The following RNF217 variants were observed in gnomAD, a reference collection of about 807,000 sequenced individuals.
RNF217 encodes the protein ring finger protein 217, also known as E3 ubiquitin-protein ligase RNF217.
A neutral mutation model predicts 57.8 loss-of-function variants in RNF217; 31 were observed. The ratio of observed to expected loss-of-function variants is 0.54; its 90% CI spans 0.40 to 0.72. RNF217 has a LOEUF of 0.72. Ranked by LOEUF, RNF217 falls within the 30% of genes least tolerant of loss-of-function variation. RNF217 has a pLI of 0.00. For synonymous variants in RNF217, 313 were observed against 294.0 expected (o/e 1.06, Z -0.66); for missense variants, 696 against 708.3 (o/e 0.98, Z 0.20).
chr6:125,034,335 C>T (rs1392541986), intron 1 of RNF217, among the ~76,000 whole-genome samples: 1 of 152,160 alleles, frequency 6.6e-6, no homozygotes, highest in Admixed American at 6.5e-5. Context: ...TTAGGTCTAA[C>T]ATTTAAGTCT....
chr6:125,060,416 A>G (rs1787685726), intron 3 of RNF217, among the ~76,000 whole-genome samples: 1 of 151,936 alleles, frequency 6.6e-6, no homozygotes. Flanking sequence ...TATATGTTTT[A>G]ATTAGTTCAT....
At chr6:125,009,403 A>G in intron 1 of RNF217, 1 of 624,908 alleles carries the variant, frequency 1.6e-6, no homozygotes, top group Non-Finnish European at 2.9e-6. Flanking sequence ...AGATTTTTTC[A>G]CTTTCCTTGA....
rs755758048 is a variant in RNF217 at position 124,963,088 on chromosome 6, C to T, written c.544C>T (p.Leu182Phe). The T allele has an allele frequency of 1.3e-6, 2 of 1,547,532 alleles. No individual in the cohort carries two copies. Among genetic ancestry groups the T allele is most frequent in the Non-Finnish European group, 1.7e-6 (2 of 1,153,990 alleles). ...DLPEAPASEQ[L>F]SPPASPPGAP... ...GCCCGAGGCCCCCGCCTCGGAGCAG[C>T]TCTCGCCGCCCGCGTCGCCACCTGG... Residue 182 changes from leucine (L) to phenylalanine (F), a missense_variant, in exon 1 of 6, where the codon CTC becomes TTC. Coordinates refer to ENST00000521654, the MANE Select transcript of RNF217 (RefSeq NM_001286398.3).
At chr6:125,052,874 G>A (rs1034850503) in intron 2 of RNF217, among the ~76,000 whole-genome samples, 11 of 152,074 alleles carry the variant, frequency 7.2e-5, no homozygotes, top group African/African-American at 2.7e-4. Flanking sequence ...TGTTTCCTAT[G>A]CAGAGTTTCT....
At chr6:125,009,486 AAAAC>A (rs1388715474) in intron 1 of RNF217, 1 of 476,578 alleles carries the variant, frequency 2.1e-6, no homozygotes, top group Non-Finnish European at 3.7e-6. Flanking sequence ...AAAAAAAAGA[AAAAC>A]AGAGACTATT....
rs545473065 is a variant in RNF217 at position 125,019,545 on chromosome 6, A to AT, written c.883-25660dup. 2.3e-4 allele frequency among the ~76,000 whole-genome samples: 35 copies of AT among 152,146 alleles called. No homozygotes were observed. In the East Asian group the frequency reaches 6.6e-3, roughly 29 times the overall value. On this transcript the variant is annotated intron_variant, in intron 1 of 5. Coordinates refer to ENST00000521654, the MANE Select transcript of RNF217 (RefSeq NM_001286398.3). Reference sequence around the variant, plus strand: ...CCTAAACCTAAATTTTCCCCTTTTTATTTTTTAGCTTTCTATACTAATTAC... The same window carrying AT: ...CCTAAACCTAAATTTTCCCCTTTTTATTTTTTTAGCTTTCTATACTAATTAC...
chr6:124,967,066 A>G (rs1023275925), intron 1 of RNF217, among the ~76,000 whole-genome samples: 3 of 152,186 alleles, frequency 2.0e-5, no homozygotes, highest in Non-Finnish European at 2.9e-5. Context: ...GCACCACAGT[A>G]TATGTTGATT....
rs1481483419 is a variant in RNF217, at chr6:125,034,363, A to G, written c.883-10848A>G. Among the ~76,000 whole-genome samples the G allele has an allele frequency of 6.7e-4, 102 of 152,210 alleles. 2 individuals carry two copies. The highest frequency in any genetic ancestry group is 6.5e-3 in the Admixed American group (99 of 15,282). On this transcript the variant is annotated intron_variant, in intron 1 of 5. Coordinates refer to ENST00000521654, the MANE Select transcript of RNF217 (RefSeq NM_001286398.3). ...TTAAGTCTTTCATTCATCTTGAATTAATTTTTGTATAAGGTGTAAGGAAGG... is the reference window on the plus strand; with the variant it reads ...TTAAGTCTTTCATTCATCTTGAATTGATTTTTGTATAAGGTGTAAGGAAGG...
chr6:125,020,766 T>A (rs1785806612), intron 1 of RNF217, among the ~76,000 whole-genome samples: 1 of 152,174 alleles, frequency 6.6e-6, no homozygotes, highest in Non-Finnish European at 1.5e-5. Context: ...GATCAACACA[T>A]GCCTAGAACA....
chr6:125,072,169 C>G (rs1299339813), intron 3 of RNF217, among the ~76,000 whole-genome samples: 2 of 152,112 alleles, frequency 1.3e-5, no homozygotes, highest in African/African-American at 2.4e-5. Flanking sequence ...ACTTGCTTAG[C>G]AAATGTGAAA....
In RNF217 at chr6:124,990,767, C is replaced by T. The variant is rs560825345; in HGVS notation, c.882+27341C>T. 1.4e-4 allele frequency among the ~76,000 whole-genome samples: 21 copies of T among 152,246 alleles called. 1 individual carries two copies. In the South Asian group the frequency reaches 4.4e-3, roughly 32 times the overall value. ...TGCCCTAGTACCTTTGTAGAGTGATCTCAAGAGTGAAGCCAAATTGGGCAT... is the reference window on the plus strand; with the variant it reads ...TGCCCTAGTACCTTTGTAGAGTGATTTCAAGAGTGAAGCCAAATTGGGCAT... On this transcript the variant is annotated intron_variant, in intron 1 of 5. Coordinates refer to ENST00000521654, the MANE Select transcript of RNF217 (RefSeq NM_001286398.3).
At chr6:125,054,819 A>G (rs1052831842) in intron 2 of RNF217, among the ~76,000 whole-genome samples, 1 of 152,120 alleles carries the variant, frequency 6.6e-6, no homozygotes, top group South Asian at 2.1e-4. Context: ...GGATTCATGA[A>G]TTCTGTGTTT....
At chr6:124,999,618 C>T (rs2114270199) in intron 1 of RNF217, among the ~76,000 whole-genome samples, 1 of 152,118 alleles carries the variant, frequency 6.6e-6, no homozygotes, top group East Asian at 1.9e-4. Flanking sequence ...GCCACATTTG[C>T]TTAATCTTGA....
At chr6:125,068,660 T>C (rs1234449795) in intron 3 of RNF217, among the ~76,000 whole-genome samples, 1 of 152,236 alleles carries the variant, frequency 6.6e-6, no homozygotes, top group Non-Finnish European at 1.5e-5. Flanking sequence ...TTAATGTCTG[T>C]ATACATGTAT....
chr6:125,040,556 T>G (rs1418471206), intron 1 of RNF217, among the ~76,000 whole-genome samples: 1 of 151,954 alleles, frequency 6.6e-6, no homozygotes, highest in Admixed American at 6.6e-5. Context: ...TCCAAACAAT[T>G]GAAAAGGAGG....
At chr6:124,968,756 T>C (rs1783646543) in intron 1 of RNF217, among the ~76,000 whole-genome samples, 1 of 152,194 alleles carries the variant, frequency 6.6e-6, no homozygotes. Context: ...TGAAGGCTCT[T>C]CCTTAACTCC....
At position 125,090,650 on chromosome 6, in the gene RNF217, T is replaced by C. The variant is rs1257379849; in HGVS notation, c.*7713T>C. Reference sequence around the variant, plus strand: ...AGAAATTTCTTGATCATAAGATGAATAGTAATTTGTACCAGATCTTGTCCA... The same window carrying C: ...AGAAATTTCTTGATCATAAGATGAACAGTAATTTGTACCAGATCTTGTCCA... On this transcript the variant is annotated 3_prime_UTR_variant, in exon 6 of 6. Coordinates refer to ENST00000521654, the MANE Select transcript of RNF217 (RefSeq NM_001286398.3). The C allele has an allele frequency of 6.6e-6, 1 of 151,846 alleles. No homozygotes were observed. Among genetic ancestry groups the C allele is most frequent in the Non-Finnish European group, 1.5e-5 (1 of 67,834 alleles). The allele number at this position is 151,846 out of a possible 1,614,324, so 9.4% of individuals were successfully genotyped here.
intron 3 of RNF217, among the ~76,000 whole-genome samples, chr6:125,071,647 T>C (rs1788151201): frequency 6.6e-6 from 1 of 152,132 alleles, no homozygotes; most frequent in Non-Finnish European, 1.5e-5. Context: ...CAAACTCTTA[T>C]AAGGGAATAT....
At chr6:124,973,588 AAGGT>A (rs1379810116) in intron 1 of RNF217, among the ~76,000 whole-genome samples, 29 of 152,350 alleles carry the variant, frequency 1.9e-4, no homozygotes. Context: ...TATAAAAAGT[AAGGT>A]AACTATTTGA....
Sources: allele counts gnomAD v4.1 joint callset (sites outside exome capture counted in the v4.1 genomes callset), GRCh38; gene constraint gnomAD v4.1.1; transcripts MANE v1.5; gene names NCBI Gene and HGNC (gene_info 2026-07-23, HGNC 2026-07-21).